DENND5B: variants seen among roughly 807,000 people sequenced by gnomAD.
DENND5B encodes DENN domain containing 5B.
In DENND5B, 34 loss-of-function variants were observed where a neutral mutation model predicts 140.6. That is an observed-to-expected ratio of 0.24 (90% CI 0.18 to 0.32). The LOEUF is 0.32. Among genes scored for constraint, DENND5B ranks in the 10% least tolerant of loss-of-function variants. DENND5B has a pLI of 1.00. For missense variants in DENND5B, 1,142 were observed against 1,560.2 expected, an observed-to-expected ratio of 0.73 and a Z score of 4.52; for synonymous variants, 551 against 562.1, an observed-to-expected ratio of 0.98 and a Z score of 0.28.
chr12:31,518,290 C>T (rs1947747320), intron 1 of DENND5B, among the ~76,000 whole-genome samples: 1 of 152,176 alleles, frequency 6.6e-6, no homozygotes, highest in Non-Finnish European at 1.5e-5. Flanking sequence ...CTTTAAGAGC[C>T]TGAGCAGTCC....
At chr12:31,431,389 A>G (rs1943501833) in intron 8 of DENND5B, among the ~76,000 whole-genome samples, 1 of 152,188 alleles carries the variant, frequency 6.6e-6, no homozygotes, top group Non-Finnish European at 1.5e-5. Context: ...TCAAGTGAAC[A>G]GTGGTTAGTG....
At chr12:31,460,157 C>CA in intron 4 of DENND5B, 37 bp downstream of exon 4, 1 of 1,575,922 alleles carries the variant, frequency 6.3e-7, no homozygotes, top group South Asian at 1.2e-5. Flanking sequence ...CCTAAATCAG[C>CA]AAACAGCAAA....
intron 1 of DENND5B, among the ~76,000 whole-genome samples, chr12:31,510,974 T>C (rs1043419854): frequency 2.0e-5 from 3 of 152,318 alleles, no homozygotes; most frequent in Non-Finnish European, 4.4e-5. Context: ...CTCATGCCTG[T>C]AATCCTAACA....
At chr12:31,463,991 T>TA (rs1945143252) in intron 3 of DENND5B, among the ~76,000 whole-genome samples, 1 of 152,152 alleles carries the variant, frequency 6.6e-6, no homozygotes, top group African/African-American at 2.4e-5. Flanking sequence ...ATAATGCAAT[T>TA]ACTCAGCAGA....
chr12:31,431,100 A>T (rs1339343296), intron 8 of DENND5B, among the ~76,000 whole-genome samples: 1 of 152,228 alleles, frequency 6.6e-6, no homozygotes, highest in Non-Finnish European at 1.5e-5. Context: ...AAGTAACCCC[A>T]GATTTCTTCT....
chr12:31,567,091 T>C (rs1041659861), intron 1 of DENND5B, among the ~76,000 whole-genome samples: 1 of 152,198 alleles, frequency 6.6e-6, no homozygotes, highest in Non-Finnish European at 1.5e-5. Context: ...AAAATAAAAA[T>C]AATTTTCTTT....
intron 1 of DENND5B, among the ~76,000 whole-genome samples, chr12:31,587,397 ATTCATAGAATT>A (rs1240214388): frequency 1.3e-5 from 2 of 152,030 alleles, no homozygotes; most frequent in African/African-American, 4.8e-5. Flanking sequence ...TGACTACCAT[ATTCATAGAATT>A]CATACATATT....
chr12:31,512,332 T>G (rs1947453913), intron 1 of DENND5B, among the ~76,000 whole-genome samples: 1 of 151,426 alleles, frequency 6.6e-6, no homozygotes, highest in African/African-American at 2.4e-5. Flanking sequence ...CCCTCCCACC[T>G]CAGCCTCCAG....
At chr12:31,520,077 C>T (rs1947822592) in intron 1 of DENND5B, among the ~76,000 whole-genome samples, 2 of 152,214 alleles carry the variant, frequency 1.3e-5, no homozygotes, top group Non-Finnish European at 2.9e-5. Context: ...TGAAAACCCT[C>T]ATAAAATGTG....
intron 14 of DENND5B, among the ~76,000 whole-genome samples, chr12:31,406,137 T>C (rs1334538496): frequency 3.3e-5 from 5 of 152,110 alleles, no homozygotes; most frequent in Non-Finnish European, 7.4e-5. Flanking sequence ...TGAGCCACCA[T>C]GCCCAGCCAT....
intron 1 of DENND5B, among the ~76,000 whole-genome samples, chr12:31,585,854 C>A (rs1482543578): frequency 6.6e-6 from 1 of 152,202 alleles, no homozygotes; most frequent in Non-Finnish European, 1.5e-5. Flanking sequence ...AGTTCTATGG[C>A]AGAGATCTCA....
intron 5 of DENND5B, among the ~76,000 whole-genome samples, chr12:31,449,869 T>C (rs1257522919): frequency 6.6e-6 from 1 of 151,890 alleles, no homozygotes; most frequent in Non-Finnish European, 1.5e-5. Context: ...TAGCTGGGAC[T>C]ATAGGTGCCT....
intron 1 of DENND5B, among the ~76,000 whole-genome samples, chr12:31,545,262 CA>C (rs1240553462): frequency 5.9e-5 from 9 of 152,040 alleles, no homozygotes; most frequent in Admixed American, 5.2e-4. Flanking sequence ...ATTTTAGATA[CA>C]GGGGGTACAG....
At chr12:31,482,304 C>T (rs1463551487) in intron 2 of DENND5B, among the ~76,000 whole-genome samples, 3 of 152,200 alleles carry the variant, frequency 2.0e-5, no homozygotes, top group Admixed American at 1.3e-4. Flanking sequence ...TGACTCTTAA[C>T]TGAGTAACTA....
intron 17 of DENND5B, among the ~76,000 whole-genome samples, chr12:31,393,213 T>G (rs571392694): frequency 6.6e-6 from 1 of 152,272 alleles, no homozygotes; most frequent in South Asian, 2.1e-4. Context: ...AATGTTCCCT[T>G]ATGCTACCTA....
At chr12:31,469,346 A>AAAAAAG (rs769930524) in intron 3 of DENND5B, among the ~76,000 whole-genome samples, 19 of 130,208 alleles carry the variant, frequency 1.5e-4, no homozygotes, top group East Asian at 4.8e-4. Flanking sequence ...AAAAAAAAAA[A>AAAAAAG]AAGAAGAAGA....
At chr12:31,569,671 G>C (rs181088527) in intron 1 of DENND5B, among the ~76,000 whole-genome samples, 2 of 152,092 alleles carry the variant, frequency 1.3e-5, no homozygotes, top group Non-Finnish European at 2.9e-5. Context: ...AATTAGCCGA[G>C]TATGGTGGTA....
Position 31,590,807 on chromosome 12 carries a change from C to T in DENND5B, c.26G>A (p.Gly9Asp), listed in dbSNP as rs1210545760. Reference sequence around the variant, plus strand: ...GGCCGGGGAGGAGCCCGAGCCCGGGCCGGGCGCCGCGCAGCTCCCGCTCAT... The same window carrying T: ...GGCCGGGGAGGAGCCCGAGCCCGGGTCGGGCGCCGCGCAGCTCCCGCTCAT... MSGSCAAP[G>D]PGSGSSPAAC... is the part of the protein sequence containing the mutation. The change falls in exon 1 of 21, where the codon GGC becomes GAC. Residue 9 changes from glycine (G) to aspartate (D), a missense_variant. Physicochemically the swap from Gly to Asp is moderately conservative, Grantham distance 94. Around this residue, in one of 5 missense-constraint regions of DENND5B, gnomAD observed 708 missense variants for 905.5 expected, o/e 0.78. Coordinates refer to ENST00000389082, the MANE Select transcript of DENND5B (RefSeq NM_144973.4). 1.5e-6 allele frequency: 2 copies of T among 1,301,316 alleles called. No homozygotes were observed. The highest frequency in any genetic ancestry group is 3.8e-5 in the Admixed American group (1 of 26,118). 80.6% of individuals were successfully genotyped at this position (1,301,316 alleles called of 1,614,324 possible).
chr12:31,495,915 T>G lies in DENND5B; in HGVS notation c.132A>C (p.Glu44Asp). ...TTCTCAAAGGACTCTGGTCAAAATT[T>G]TCGCCTACAACAAATAATACATAGT... ...SGLEPDELAG[E>D]NFDQSPLRRT... The change falls in exon 2 of 21, where the codon GAA becomes GAC. Residue 44 changes from glutamate (E) to aspartate (D), a missense_variant. By Grantham distance (45) the Glu-to-Asp change is conservative. Transcript: ENST00000389082. The G allele has an allele frequency of 2.5e-6, 4 of 1,604,282 alleles. No individual in the cohort carries two copies. Among genetic ancestry groups the G allele is most frequent in the Non-Finnish European group, 3.4e-6 (4 of 1,175,230 alleles).
Sources: allele counts gnomAD v4.1 joint callset (sites outside exome capture counted in the v4.1 genomes callset), GRCh38; gene constraint gnomAD v4.1.1; regional missense constraint gnomAD v4.1.1; transcripts MANE v1.5; gene names NCBI Gene and HGNC (gene_info 2026-07-23, HGNC 2026-07-21).